ZSWIM4: variants seen among roughly 807,000 people sequenced by gnomAD.
ZSWIM4 encodes zinc finger SWIM domain-containing protein 4.
In ZSWIM4, 62 loss-of-function variants were observed where a neutral mutation model predicts 102.5. The ratio of observed to expected loss-of-function variants is 0.60; its 90% CI spans 0.49 to 0.75. The LOEUF (loss-of-function observed/expected upper bound fraction) is 0.75. Among genes scored for constraint, ZSWIM4 ranks in the 30% least tolerant of loss-of-function variants. The pLI, the probability that ZSWIM4 is intolerant of heterozygous loss-of-function variation, is 0.00. For synonymous variants in ZSWIM4, 652 were observed against 674.5 expected (o/e 0.97, Z 0.52); for missense variants, 1,280 against 1,529.6 (o/e 0.84, Z 2.72).
chr19:13,800,244 C>T (rs1173452262), intron 2 of ZSWIM4, among the ~76,000 whole-genome samples: 1,653 of 27,332 alleles, frequency 0.06, 74 homozygotes, highest in African/African-American at 0.16. Context: ...TTTTGTATTT[C>T]TTTTTTTTTT....
Position 13,830,181 on chromosome 19 carries a change from C to G in ZSWIM4, c.2462-10C>G. 6.2e-7 allele frequency: 1 copy of G among 1,603,088 alleles called. No homozygotes were observed. Among genetic ancestry groups the G allele is most frequent in the Non-Finnish European group, 8.5e-7 (1 of 1,173,582 alleles). ...CTCCTGACGGATTTCCCTCCCTCAC[C>G]TCCCACCAGGCCCGCAAGCCCTGAT... On this transcript the variant is annotated splice_polypyrimidine_tract_variant and intron_variant, in intron 13 of 13. Coordinates refer to ENST00000590508, the MANE Select transcript of ZSWIM4 (RefSeq NM_001367834.3).
intron 2 of ZSWIM4, 120 bp downstream of exon 2, chr19:13,800,041 G>T: frequency 2.3e-6 from 2 of 856,404 alleles, no homozygotes; most frequent in Non-Finnish European, 3.5e-6. Context: ...CTCAGGCTTC[G>T]AGGCCCAGAT....
At chr19:13,800,065 A>ATATTTT in intron 2 of ZSWIM4, 144 bp downstream of exon 2, 1 of 383,226 alleles carries the variant, frequency 2.6e-6, no homozygotes, top group Non-Finnish European at 4.2e-6. Flanking sequence ...ATTGTACAAG[A>ATATTTT]TTTTTTTTTT....
At chr19:13,827,025 C>T (rs920779028) in intron 12 of ZSWIM4, among the ~76,000 whole-genome samples, 3 of 152,110 alleles carry the variant, frequency 2.0e-5, no homozygotes, top group Non-Finnish European at 4.4e-5. Flanking sequence ...TGCCTCACAC[C>T]TGTAATTCCA....
chr19:13,810,975 A>G (rs1364784615), intron 5 of ZSWIM4, among the ~76,000 whole-genome samples: 1 of 131,254 alleles, frequency 7.6e-6, no homozygotes, highest in Admixed American at 9.0e-5. Context: ...GTGCAGTGGC[A>G]CGATCTCGGC....
Position 13,817,921 on chromosome 19 carries a change from G to T in ZSWIM4, c.1869G>T (p.Glu623Asp). 1 of 1,546,196 alleles carries T rather than the reference G, an allele frequency of 6.5e-7. No individual in the cohort carries two copies. The change falls in exon 9 of 14, where the codon GAG (glutamate) becomes GAT (aspartate). Residue 623 changes from glutamate to aspartate, a missense_variant. By Grantham distance (45) the Glu-to-Asp change is conservative (BLOSUM62 2). Transcript: ENST00000590508. ...EQLLALLEEV[E>D]LDERLVQVLR... ...TGCTGGCCCTGCTGGAGGAGGTGGAGTTGGATGAGCGGTTGGTGCAGGTGC... is the reference window on the plus strand; with the variant it reads ...TGCTGGCCCTGCTGGAGGAGGTGGATTTGGATGAGCGGTTGGTGCAGGTGC...
At position 13,804,327 on chromosome 19, in the gene ZSWIM4, G is replaced by A. The variant is rs576013982; in HGVS notation, c.356-465G>A. Among the ~76,000 whole-genome samples, 14 of 106,956 alleles carry A rather than the reference G, an allele frequency of 1.3e-4. No individual in the cohort carries two copies. The South Asian group carries it at 1.3e-3, about 10-fold the overall frequency. The allele number at this position is 106,956 out of a possible 152,430, so 70.2% of individuals were successfully genotyped here. On this transcript the variant is annotated intron_variant, in intron 2 of 13. Coordinates refer to ENST00000590508, the MANE Select transcript of ZSWIM4 (RefSeq NM_001367834.3). Reference sequence around the variant, plus strand: ...CTCTACTAAAAATACAAAATTAGCCGGGCATGGTGGCGCATGCCTGTAATC... The same window carrying A: ...CTCTACTAAAAATACAAAATTAGCCAGGCATGGTGGCGCATGCCTGTAATC...
At chr19:13,826,624 G>A (rs1975617822) in intron 12 of ZSWIM4, among the ~76,000 whole-genome samples, 1 of 152,112 alleles carries the variant, frequency 6.6e-6, no homozygotes, top group Admixed American at 6.5e-5. Flanking sequence ...AATTAGCCAA[G>A]CGTGGTGGCA....
intron 8 of ZSWIM4, 59 bp downstream of exon 8, chr19:13,817,412 C>T: frequency 1.3e-6 from 2 of 1,572,982 alleles, no homozygotes; most frequent in East Asian, 2.3e-5. Flanking sequence ...TGGCCACGCC[C>T]CCTGGCCCAG....
chr19:13,818,850 C>T (rs1975377807), intron 9 of ZSWIM4, among the ~76,000 whole-genome samples: 3 of 146,046 alleles, frequency 2.1e-5, no homozygotes, highest in Admixed American at 1.4e-4. Flanking sequence ...AGGCATGAGC[C>T]GTGGTCCCCT....
rs778015724 is a variant in ZSWIM4 at position 13,830,643 on chromosome 19, C to T, written c.2914C>T (p.His972Tyr). 3 of 1,601,330 alleles carry T rather than the reference C, an allele frequency of 1.9e-6. No individual in the cohort carries two copies. The Admixed American group carries it at 5.0e-5, about 27-fold the overall frequency. The change falls in exon 14 of 14, where the codon CAC becomes TAC. Residue 972 changes from histidine (H) to tyrosine (Y), a missense_variant. Physicochemically the swap from His to Tyr is moderately conservative, Grantham distance 83. Transcript: ENST00000590508. ...NDVLWACSLS[H>Y]SLGRHELSAI... The stretch of plus-strand genomic sequence containing the variant: ...CGTGCTTTGGGCCTGCTCTCTCAGC[C>T]ACTCCCTGGGCCGGCACGAGCTCTC...
At chr19:13,823,551 C>A (rs529569837) in intron 11 of ZSWIM4, 51 bp downstream of exon 11, 2 of 1,535,754 alleles carry the variant, frequency 1.3e-6, no homozygotes, top group South Asian at 2.4e-5. Flanking sequence ...CTGTCATCTC[C>A]TTCTTCCTTC....
intron 6 of ZSWIM4, among the ~76,000 whole-genome samples, chr19:13,813,510 G>C (rs1975168315): frequency 6.6e-6 from 1 of 151,976 alleles, no homozygotes. Flanking sequence ...GTGAGATATT[G>C]AGGAGAGAGA....
rs751925379 is a variant in ZSWIM4 at position 13,828,746 on chromosome 19, C to A, written c.2461+20C>A. The A allele has an allele frequency of 6.8e-6, 11 of 1,610,726 alleles. No homozygotes were observed. The highest frequency in any genetic ancestry group is 9.3e-6 in the Non-Finnish European group (11 of 1,177,004). On this transcript the variant is annotated intron_variant, in intron 13 of 13. Transcript: ENST00000590508. Reference sequence around the variant, plus strand: ...AGATTGGTGAGAGCCCCTAAGGGGACCTGCCACCCACTTCGCTGTTCTGGT... The same window carrying A: ...AGATTGGTGAGAGCCCCTAAGGGGAACTGCCACCCACTTCGCTGTTCTGGT...
At chr19:13,800,641 T>C (rs1168456293) in intron 2 of ZSWIM4, among the ~76,000 whole-genome samples, 1 of 152,084 alleles carries the variant, frequency 6.6e-6, no homozygotes, top group Non-Finnish European at 1.5e-5. Flanking sequence ...TCTCCTGACC[T>C]CGTGATCCCC....
At chr19:13,810,189 G>T (rs1319301434) in intron 5 of ZSWIM4, among the ~76,000 whole-genome samples, 1 of 151,778 alleles carries the variant, frequency 6.6e-6, no homozygotes, top group Non-Finnish European at 1.5e-5. Flanking sequence ...ATTAGAGACG[G>T]GGTTTCACTG....
At chr19:13,810,170 A>AT (rs112262471) in intron 5 of ZSWIM4, among the ~76,000 whole-genome samples, 2,757 of 149,408 alleles carry the variant, frequency 0.018, 81 homozygotes, top group African/African-American at 0.065. Context: ...AATTTTTTGT[A>AT]TTTTTTTTAT....
chr19:13,804,235 CTGAGGCAGGCG>C (rs1974850948), intron 2 of ZSWIM4, among the ~76,000 whole-genome samples: 1 of 152,000 alleles, frequency 6.6e-6, no homozygotes. Flanking sequence ...CTTTGGGAGG[CTGAGGCAGGCG>C]GATCACCTGA....
At position 13,808,825 on chromosome 19, in the gene ZSWIM4, C is replaced by A. The variant is rs987314680; in HGVS notation, c.713-11C>A. ...CCCCAGCCTCAGCTTCCTTTCCCTC[C>A]CTCCCGGCAGGTGCCCCAGACCCCA... On this transcript the variant is annotated splice_polypyrimidine_tract_variant and intron_variant, in intron 3 of 13. Transcript: ENST00000590508. The A allele has an allele frequency of 1.3e-6, 2 of 1,592,336 alleles. No homozygotes were observed.
Sources: allele counts gnomAD v4.1 joint callset (sites outside exome capture counted in the v4.1 genomes callset), GRCh38; gene constraint gnomAD v4.1.1; transcripts MANE v1.5; gene names NCBI Gene and HGNC (gene_info 2026-07-23, HGNC 2026-07-21).